Variants in EP400 observed in about 807,000 individuals in gnomAD.
EP400 encodes E1A-binding protein p400.
EP400 carries 105 observed loss-of-function variants against 354.1 expected under a neutral mutation model. The observed-to-expected ratio is 0.30, with a 90% confidence interval of 0.25 to 0.35. The LOEUF is 0.35. EP400 is among the 10% of genes least tolerant of loss of function. The pLI is 1.00. For missense variants in EP400, 3,280 were observed against 4,121.0 expected, an observed-to-expected ratio of 0.80 and a Z score of 5.59; for synonymous variants, 1,646 against 1,716.9, an observed-to-expected ratio of 0.96 and a Z score of 1.02.
At chr12:132,069,461 T>C (rs1157539053) in intron 50 of EP400, 34 bp from the exon 51 acceptor site, 2 of 1,606,316 alleles carry the variant, frequency 1.2e-6, no homozygotes, top group East Asian at 2.2e-5. Flanking sequence ...CGCGGCATGG[T>C]CTCTGCGGCC....
At chr12:132,015,707 G>T (rs904486812) in intron 19 of EP400, among the ~76,000 whole-genome samples, 1 of 152,164 alleles carries the variant, frequency 6.6e-6, no homozygotes, top group Non-Finnish European at 1.5e-5. Context: ...GAGAGCGCTT[G>T]GACTCCTCAA....
Position 132,062,596 on chromosome 12 carries a change from G to A in EP400, c.8229G>A (p.Gln2743=), listed in dbSNP as rs767111270. Residue 2743 remains glutamine (Q), a synonymous_variant, in exon 47 of 53, where the codon CAG becomes CAA. Transcript: ENST00000389561. ...QQQQQQQQQQ[Q]QQQQQTTTTS... is the part of the protein sequence containing the mutation. ...AGCAGCAGCAGCAGCAGCAGCAACA[G>A]CAGCAGCAGCAACAGACGACGACGA... The A allele has an allele frequency of 7.4e-6, 11 of 1,482,142 alleles. No individual in the cohort carries two copies. The highest frequency in any genetic ancestry group is 4.3e-5 in the African/African-American group (3 of 70,066). 91.8% of individuals were successfully genotyped at this position (1,482,142 alleles called of 1,614,324 possible).
intron 19 of EP400, among the ~76,000 whole-genome samples, chr12:132,016,094 C>T (rs1019135441): frequency 3.3e-5 from 5 of 152,214 alleles, no homozygotes; most frequent in African/African-American, 9.6e-5. Context: ...ATCCCTTCTC[C>T]GGAACCATCC....
chr12:132,053,925 A>G (rs1394529914), intron 43 of EP400, among the ~76,000 whole-genome samples: 1 of 152,188 alleles, frequency 6.6e-6, no homozygotes, highest in African/African-American at 2.4e-5. Context: ...CCTGTGACGC[A>G]TTCACTTCCT....
At chr12:131,985,057 T>C (rs1158987968) in intron 5 of EP400, among the ~76,000 whole-genome samples, 2 of 152,116 alleles carry the variant, frequency 1.3e-5, no homozygotes, top group African/African-American at 4.8e-5. Context: ...GCTTTTGCCA[T>C]GTTGGCCAGG....
intron 12 of EP400, 38 bp from the exon 13 acceptor site, chr12:132,005,039 T>G (rs1395032607): frequency 1.4e-6 from 2 of 1,480,624 alleles, no homozygotes; most frequent in African/African-American, 2.8e-5. Context: ...CAGTTGTTGT[T>G]ATAAAGTAAC....
rs536507312 is a variant in EP400 at position 131,960,589 on chromosome 12, A to G, written c.-31A>G. The G allele has an allele frequency of 6.4e-7, 1 of 1,552,426 alleles. No homozygotes were observed. The highest frequency in any genetic ancestry group is 1.4e-5 in the African/African-American group (1 of 73,672). On this transcript the variant is annotated 5_prime_UTR_variant, in exon 2 of 53. Transcript: ENST00000389561. Reference sequence around the variant, plus strand: ...GATTTTAATTTTAATTTTTAGGAGAACGACACATTGGATACAGAAGGGAGG... The same window carrying G: ...GATTTTAATTTTAATTTTTAGGAGAGCGACACATTGGATACAGAAGGGAGG...
intron 5 of EP400, among the ~76,000 whole-genome samples, chr12:131,983,996 G>T (rs1322758235): frequency 6.6e-6 from 1 of 152,086 alleles, no homozygotes; most frequent in South Asian, 2.1e-4. Context: ...CTGCCTCCTG[G>T]GTTCAAGCGA....
At chr12:132,006,908 C>T in intron 15 of EP400, 31 bp downstream of exon 15, 1 of 1,612,616 alleles carries the variant, frequency 6.2e-7, no homozygotes, top group Non-Finnish European at 8.5e-7. Context: ...TTAACAATAC[C>T]TATTTGCTAG....
chr12:132,055,712 G>T (rs1029906101), intron 45 of EP400, among the ~76,000 whole-genome samples: 4 of 150,306 alleles, frequency 2.7e-5, no homozygotes, highest in African/African-American at 9.8e-5. Flanking sequence ...GGGTGTGTGT[G>T]TGTGTGAAGT....
At chr12:131,989,211 A>G (rs1173982817) in intron 7 of EP400, among the ~76,000 whole-genome samples, 3 of 152,238 alleles carry the variant, frequency 2.0e-5, no homozygotes, top group African/African-American at 4.8e-5. Context: ...GGCCAGGGCC[A>G]TCTCTCAACA....
At position 132,080,419 on chromosome 12, in the gene EP400, G is replaced by A. The variant is rs1409542464; in HGVS notation, c.*2746G>A. On this transcript the variant is annotated 3_prime_UTR_variant, in exon 53 of 53. Transcript: ENST00000389561. ...AGTAGGATTTTAAAGGGCATTGATA[G>A]CATACCAAACAAAAGGCAAAATAAA... is the stretch of plus-strand genomic sequence containing the variant. 6.6e-6 allele frequency: 1 copy of A among 152,626 alleles called. No homozygotes were observed. Among genetic ancestry groups the A allele is most frequent in the East Asian group, 1.9e-4 (1 of 5,200 alleles). 9.5% of individuals were successfully genotyped at this position (152,626 alleles called of 1,614,324 possible).
chr12:132,042,513 T>G (rs1894948561), intron 32 of EP400, among the ~76,000 whole-genome samples: 1 of 152,178 alleles, frequency 6.6e-6, no homozygotes, highest in African/African-American at 2.4e-5. Context: ...TTCTTCTACA[T>G]GTTGCATTGT....
rs1278541704 is a variant in EP400, at chr12:132,050,034, A to G, written c.7201-289A>G. On this transcript the variant is annotated intron_variant, in intron 39 of 52. Coordinates refer to ENST00000389561, the MANE Select transcript of EP400 (RefSeq NM_015409.5). The surrounding 1 kb of genome is among the most constrained non-coding windows in gnomAD (Gnocchi z 4.8). ...CCATGTGACCTTGGGCACTTTGCAC[A>G]CCTGTTTTGTTCCCTCTCCCTCTTG... 6.6e-6 allele frequency among the ~76,000 whole-genome samples: 1 copy of G among 152,136 alleles called. No individual in the cohort carries two copies. The highest frequency in any genetic ancestry group is 1.5e-5 in the Non-Finnish European group (1 of 68,014).
At chr12:131,971,519 T>C (rs975465946) in intron 2 of EP400, among the ~76,000 whole-genome samples, 1 of 152,216 alleles carries the variant, frequency 6.6e-6, no homozygotes, top group African/African-American at 2.4e-5. Flanking sequence ...TGCTGGATCA[T>C]ATGTTCATTC....
rs1894993037 is a variant in EP400, at chr12:132,043,813, A to G, written c.6450+85A>G. The G allele has an allele frequency of 3.2e-6, 4 of 1,251,586 alleles. No homozygotes were observed. The East Asian group carries it at 9.6e-5, about 30-fold the overall frequency. The allele number at this position is 1,251,586 out of a possible 1,614,324, so 77.5% of individuals were successfully genotyped here. A position where few individuals can be genotyped will look rare whatever the true frequency, so the allele number is the denominator to read the frequency against. ...GATTTGAAGTAAATGTGACTTCATT[A>G]AATTAAAGTCACAAAAGCCAAAACC... is the stretch of plus-strand genomic sequence containing the variant. On this transcript the variant is annotated intron_variant, in intron 34 of 52. Transcript: ENST00000389561.
At chr12:131,950,846 C>A (rs1164163893) in intron 1 of EP400, among the ~76,000 whole-genome samples, 1 of 152,342 alleles carries the variant, frequency 6.6e-6, no homozygotes, top group African/African-American at 2.4e-5. Flanking sequence ...CTCGACCTCC[C>A]GAGTGGTTGG....
In EP400 at chr12:132,013,127, G is replaced by A. The variant is rs773523648; in HGVS notation, c.3560G>A (p.Arg1187His). 31 of 1,614,026 alleles carry A rather than the reference G, an allele frequency of 1.9e-5. No homozygotes were observed. In the Middle Eastern group the frequency reaches 6.6e-4, roughly 34 times the overall value. ...WKCLVIDEMQ[R>H]VKGMTERHWE... ...TGCCTGGTCATTGATGAGATGCAGC[G>A]CGTGAAGGGCATGACCGAGAGGCAC... The change falls in exon 17 of 53, where the codon CGC becomes CAC. Residue 1187 changes from arginine (R) to histidine (H), a missense_variant. By Grantham distance (29) the Arg-to-His change is conservative (BLOSUM62 0). Around this residue, in one of 20 missense-constraint regions of EP400, gnomAD observed 242 missense variants for 357.9 expected, o/e 0.68. Coordinates refer to ENST00000389561, the MANE Select transcript of EP400 (RefSeq NM_015409.5). The surrounding 1 kb of genome is among the most constrained non-coding windows in gnomAD (Gnocchi z 4.5).
At chr12:132,034,026 G>A (rs1446664561) in intron 30 of EP400, among the ~76,000 whole-genome samples, 6 of 152,196 alleles carry the variant, frequency 3.9e-5, no homozygotes, top group Non-Finnish European at 7.3e-5. Context: ...TCCCAGACAC[G>A]CTTCTGCTTC....
Sources: allele counts gnomAD v4.1 joint callset (sites outside exome capture counted in the v4.1 genomes callset), GRCh38; gene constraint gnomAD v4.1.1; regional missense constraint gnomAD v4.1.1; non-coding constraint Gnocchi (gnomAD v3.1); transcripts MANE v1.5; gene names NCBI Gene and HGNC (gene_info 2026-07-23, HGNC 2026-07-21).